HDX: variants seen among roughly 807,000 people sequenced by gnomAD.
HDX encodes chromosome X open reading frame 43.
In HDX, 19 loss-of-function variants were observed where a neutral mutation model predicts 45.2. That is an observed-to-expected ratio of 0.42 (90% CI 0.29 to 0.62). The LOEUF is 0.62. Ranked by LOEUF, HDX falls within the 20% of genes least tolerant of loss-of-function variation. The pLI is 0.20. For synonymous variants in HDX, 188 were observed against 172.8 expected (o/e 1.09, Z -0.69); for missense variants, 532 against 493.9 (o/e 1.08, Z -0.73).
chrX:84,375,469 A>C (rs1203783407), intron 5 of HDX, among the ~76,000 whole-genome samples: 6 of 112,131 alleles, frequency 5.4e-5, no homozygotes, highest in Non-Finnish European at 9.4e-5. Context: ...GGCATTATTC[A>C]CAATAGCAAA....
intron 4 of HDX, among the ~76,000 whole-genome samples, chrX:84,461,331 C>A (rs1335650660): frequency 9.0e-6 from 1 of 110,853 alleles, no homozygotes; most frequent in Non-Finnish European, 1.9e-5. Context: ...TACACATAGA[C>A]AAATGAAACA....
At chrX:84,447,145 G>A (rs999134986) in intron 4 of HDX, among the ~76,000 whole-genome samples, 2 of 111,939 alleles carry the variant, frequency 1.8e-5, no homozygotes, top group African/African-American at 6.5e-5. Flanking sequence ...GGTTCTGGAA[G>A]ATGCCGGAAT....
Position 84,438,823 on chromosome X carries a change from G to A in HDX, c.1305+1709C>T, listed in dbSNP as rs137921193. 3.0e-3 allele frequency among the ~76,000 whole-genome samples: 334 copies of A among 111,314 alleles called. 1 individual carries two copies. The highest frequency in any genetic ancestry group is 0.01 in the African/African-American group (322 of 30,691). ...AGGTTGATTTTATGACCTTGCTATTGTGAATAGCACTGTAATGAATATATG... is the reference window on the plus strand; with the variant it reads ...AGGTTGATTTTATGACCTTGCTATTATGAATAGCACTGTAATGAATATATG... On this transcript the variant is annotated intron_variant, in intron 5 of 10. Coordinates refer to ENST00000373177, the MANE Select transcript of HDX (RefSeq NM_001177479.2).
intron 2 of HDX, among the ~76,000 whole-genome samples, chrX:84,477,613 A>G (rs1179165570): frequency 8.9e-6 from 1 of 111,793 alleles, no homozygotes; most frequent in South Asian, 3.8e-4. Flanking sequence ...CAACAACTAG[A>G]TGACCCCATT....
intron 5 of HDX, among the ~76,000 whole-genome samples, chrX:84,433,352 T>A (rs1274597390): frequency 8.9e-6 from 1 of 111,820 alleles, no homozygotes; most frequent in African/African-American, 3.2e-5. Flanking sequence ...GATCCATTTG[T>A]AGTTGATTTT....
intron 5 of HDX, among the ~76,000 whole-genome samples, chrX:84,422,026 A>G (rs1490596386): frequency 3.6e-5 from 4 of 110,848 alleles, no homozygotes; most frequent in Admixed American, 9.6e-5. Flanking sequence ...AAAAAAAAAA[A>G]AAGACATAAT....
At chrX:84,369,608 T>G (rs2147870910) in intron 5 of HDX, among the ~76,000 whole-genome samples, 1 of 112,254 alleles carries the variant, frequency 8.9e-6, no homozygotes, top group South Asian at 3.7e-4. Context: ...TGCGTGTTTT[T>G]GCACCTCTGT....
chrX:84,324,022 C>T lies in HDX; in HGVS notation c.1948-2008G>A, dbSNP rs182695563. On this transcript the variant is annotated intron_variant, in intron 10 of 10. Transcript: ENST00000373177. ...AACGCAATTGATCTGGCTAGGAACACGCAGTGAATTATCAGGGGAAGCAAG... is the reference window on the plus strand; with the variant it reads ...AACGCAATTGATCTGGCTAGGAACATGCAGTGAATTATCAGGGGAAGCAAG... Among the ~76,000 whole-genome samples the T allele has an allele frequency of 2.4e-3, 266 of 112,198 alleles. 2 individuals carry two copies. The highest frequency in any genetic ancestry group is 8.3e-3 in the African/African-American group (257 of 31,065).
chrX:84,368,811 G>A (rs745547563), intron 5 of HDX, among the ~76,000 whole-genome samples: 14 of 110,903 alleles, frequency 1.3e-4, no homozygotes, highest in Non-Finnish European at 2.1e-4. Context: ...TGGGGTTACC[G>A]GGGAGGAGGG....
At chrX:84,448,323 C>T (rs1036931439) in intron 4 of HDX, among the ~76,000 whole-genome samples, 1 of 111,119 alleles carries the variant, frequency 9.0e-6, no homozygotes, top group Non-Finnish European at 1.9e-5. Context: ...ATGGCCAGCA[C>T]CTGAGGAAGC....
At chrX:84,398,100 G>GTA (rs1030481880) in intron 5 of HDX, among the ~76,000 whole-genome samples, 10 of 108,589 alleles carry the variant, frequency 9.2e-5, no homozygotes, top group South Asian at 4.1e-4. Context: ...ATGTGTGTAT[G>GTA]TATATATATA....
intron 5 of HDX, among the ~76,000 whole-genome samples, chrX:84,399,410 C>T (rs2038645154): frequency 9.0e-6 from 1 of 111,209 alleles, no homozygotes; most frequent in South Asian, 3.7e-4. Context: ...GAAATACAAA[C>T]TACCATCAGA....
chrX:84,476,696 C>A (rs970905878), intron 2 of HDX, among the ~76,000 whole-genome samples: 2 of 111,285 alleles, frequency 1.8e-5, no homozygotes, highest in Non-Finnish European at 3.8e-5. Context: ...TAACCAAGTA[C>A]ATTGACACGG....
intron 5 of HDX, among the ~76,000 whole-genome samples, chrX:84,436,093 C>T (rs1484398634): frequency 0.16 from 5,544 of 35,447 alleles, no homozygotes; most frequent in African/African-American, 0.18. Flanking sequence ...GAATACTATG[C>T]AGCCATAAAA....
At chrX:84,359,827 C>T (rs1422863335) in intron 6 of HDX, among the ~76,000 whole-genome samples, 4 of 111,559 alleles carry the variant, frequency 3.6e-5, no homozygotes, top group Admixed American at 9.5e-5. Context: ...CTATAAAAAC[C>T]TTAGAAGAAA....
chrX:84,407,052 A>G (rs2038847020), intron 5 of HDX, among the ~76,000 whole-genome samples: 1 of 111,504 alleles, frequency 9.0e-6, no homozygotes, highest in African/African-American at 3.3e-5. Context: ...TAACCACATT[A>G]TTCTTTTTGT....
At chrX:84,393,644 A>T (rs2038493689) in intron 5 of HDX, among the ~76,000 whole-genome samples, 1 of 111,212 alleles carries the variant, frequency 9.0e-6, no homozygotes, top group Admixed American at 9.6e-5. Context: ...AAGTCATCCA[A>T]TTGTGGTCTT....
intron 5 of HDX, among the ~76,000 whole-genome samples, chrX:84,392,481 C>T (rs1006261276): frequency 4.5e-5 from 5 of 111,032 alleles, no homozygotes; most frequent in Admixed American, 9.6e-5. Context: ...GTAGGGATTG[C>T]ATTGAATTTG....
At chrX:84,469,725 C>CTAAAG (rs2040421627) in intron 3 of HDX, 150 bp from the exon 4 acceptor site, 1 of 465,952 alleles carries the variant, frequency 2.1e-6, no homozygotes, top group African/African-American at 2.4e-5. Context: ...GAAAAACTGA[C>CTAAAG]TAAAGTACAA....
Sources: gnomAD v4.1 joint callset for allele counts (sites outside exome capture counted in the v4.1 genomes callset) on GRCh38, gnomAD v4.1.1 for gene constraint, MANE v1.5 for transcripts, NCBI Gene and HGNC (gene_info 2026-07-23, HGNC 2026-07-21) for gene names.